Variants in NUDT5 observed in about 807,000 individuals in gnomAD.
NUDT5 encodes ADP-sugar pyrophosphatase.
NUDT5 carries 21 observed loss-of-function variants against 34.1 expected under a neutral mutation model. The observed-to-expected ratio is 0.62, with a 90% CI of 0.44 to 0.89. The LOEUF (loss-of-function observed/expected upper bound fraction) is 0.89, where lower values mean the gene tolerates loss of function less well. NUDT5 is among the 40% of genes least tolerant of loss of function. The pLI is 0.00. For missense variants in NUDT5, 249 were observed against 274.8 expected (o/e 0.91, Z 0.66); for synonymous variants, 85 against 97.6 (o/e 0.87, Z 0.76).
rs1835004615 is a variant in NUDT5, at chr10:12,179,128, A to C, written c.136T>G (p.Trp46Gly). 6.2e-7 allele frequency: 1 copy of C among 1,613,906 alleles called. No homozygotes were observed. The highest frequency in any genetic ancestry group is 1.7e-5 in the Admixed American group (1 of 59,982). Reference protein sequence around the residue: ...YMDPTGKTRTWESVKRTTRKE... With the variant: ...YMDPTGKTRTGESVKRTTRKE... ...CTGGTTGTACGTTTCACTGATTCCC[A>C]AGTTCTGTTCAGGCAGAGAAGAAAA... Residue 46 changes from tryptophan (W) to glycine (G), a missense_variant, in exon 4 of 10, where the codon TGG becomes GGG. Physicochemically the swap from Trp to Gly is radical, Grantham distance 184 (BLOSUM62 -2). Transcript: ENST00000491614.
At chr10:12,195,111 G>T (rs1835310859) in intron 1 of NUDT5, among the ~76,000 whole-genome samples, 1 of 152,202 alleles carries the variant, frequency 6.6e-6, no homozygotes, top group Admixed American at 6.5e-5. Context: ...AGTGAGCCAA[G>T]ATTGCGCCAC....
Position 12,177,883 on chromosome 10 carries a change from C to T in NUDT5, c.199G>A (p.Val67Met), listed in dbSNP as rs770968449. The change falls in exon 5 of 10, where the codon GTG becomes ATG. Residue 67 changes from valine to methionine, a missense_variant. Transcript: ENST00000491614. ...TCATAGTGAAGTGTTCTCTGCAGCACGGGGATGACCGCGACACCTGTCACC... is the reference window on the plus strand; with the variant it reads ...TCATAGTGAAGTGTTCTCTGCAGCATGGGGATGACCGCGACACCTGTCACC... ...QTADGVAVIP[V>M]LQRTLHYECI... 12 of 1,613,890 alleles carry T rather than the reference C, an allele frequency of 7.4e-6. No individual in the cohort carries two copies. Among genetic ancestry groups the T allele is most frequent in the African/African-American group, 4.0e-5 (3 of 74,884 alleles).
chr10:12,175,485 A>C lies in NUDT5; in HGVS notation c.290-1672T>G, dbSNP rs1331862223. On this transcript the variant is annotated intron_variant, in intron 5 of 9. Coordinates refer to ENST00000491614, the MANE Select transcript of NUDT5 (RefSeq NM_014142.4). This position sits in a 1 kb window ranked among gnomAD's most constrained non-coding sequence, Gnocchi z 4.8. The stretch of plus-strand genomic sequence containing the variant: ...ACAAAGCAAAACCCCATCTCTACAA[A>C]AAATTTAAAAATCGAATGCGGTGAT... Among the ~76,000 whole-genome samples the C allele has an allele frequency of 6.6e-6, 1 of 151,958 alleles. No individual in the cohort carries two copies. The highest frequency in any genetic ancestry group is 1.5e-5 in the Non-Finnish European group (1 of 68,000).
rs201960828 is a variant in NUDT5 at position 12,171,686 on chromosome 10, A to ATTTT, written c.488-782_488-779dup. ...ATGTGCAGTTCAAAAATTAAGATTT[A>ATTTT]TTTTATTTATTTATTTATTTATTTA... is the stretch of plus-strand genomic sequence containing the variant. On this transcript the variant is annotated intron_variant, in intron 7 of 9. Transcript: ENST00000491614. The surrounding 1 kb of genome is among the most constrained non-coding windows in gnomAD (Gnocchi z 4.2). 0.012 allele frequency among the ~76,000 whole-genome samples: 1,678 copies of ATTTT among 142,980 alleles called. 15 individuals are homozygous for ATTTT. Among genetic ancestry groups the ATTTT allele is most frequent in the Non-Finnish European group, 0.018 (1,205 of 65,600 alleles). 93.8% of individuals were successfully genotyped at this position (142,980 alleles called of 152,430 possible).
At chr10:12,195,504 C>T (rs887947787) in intron 1 of NUDT5, among the ~76,000 whole-genome samples, 1 of 152,230 alleles carries the variant, frequency 6.6e-6, no homozygotes, top group Non-Finnish European at 1.5e-5. Context: ...TACTCCTCTG[C>T]AGATGCTGCA....
Position 12,169,210 on chromosome 10 carries a change from T to A in NUDT5, c.551-1399A>T. On this transcript the variant is annotated intron_variant, in intron 9 of 9. Transcript: ENST00000491614. The surrounding 1 kb of genome is among the most constrained non-coding windows in gnomAD (Gnocchi z 4.8). ...TCCTCCTTTATAGCCATAGTAGCCC[T>A]CTCTCCACCTCCCCTCACTTATTCT... The A allele has an allele frequency of 7.7e-7, 1 of 1,305,814 alleles. No homozygotes were observed. Among genetic ancestry groups the A allele is most frequent in the Non-Finnish European group, 1.1e-6 (1 of 929,362 alleles). 80.9% of individuals were successfully genotyped at this position (1,305,814 alleles called of 1,614,324 possible). A position where few individuals can be genotyped will look rare whatever the true frequency, so the allele number is the denominator to read the frequency against.
At chr10:12,177,584 G>C (rs12784508) in intron 5 of NUDT5, among the ~76,000 whole-genome samples, 2 of 152,218 alleles carry the variant, frequency 1.3e-5, no homozygotes, top group African/African-American at 2.4e-5. Flanking sequence ...GTTGGGATGG[G>C]TGGGAGGTGG....
At position 12,187,334 on chromosome 10, in the gene NUDT5, C is replaced by A. The variant is rs181279620; in HGVS notation, c.-41-1002G>T. ...TTACAGGCATGAGCCACTGGACCCA[C>A]CTCCCCACTTACTTTTAAGTTTCAG... On this transcript the variant is annotated intron_variant, in intron 1 of 9. Transcript: ENST00000491614. This position sits in a 1 kb window ranked among gnomAD's most constrained non-coding sequence, Gnocchi z 5.4. Among the ~76,000 whole-genome samples, 155 of 152,308 alleles carry A rather than the reference C, an allele frequency of 1.0e-3. 1 individual carries two copies. Among genetic ancestry groups the A allele is most frequent in the Admixed American group, 7.8e-3 (120 of 15,300 alleles).
At chr10:12,179,924 T>C (rs1164607205) in intron 3 of NUDT5, among the ~76,000 whole-genome samples, 1 of 152,202 alleles carries the variant, frequency 6.6e-6, no homozygotes, top group East Asian at 1.9e-4. Context: ...CTTCACTCTC[T>C]TCTCCCTACA....
At chr10:12,172,243 A>T (rs1450402198) in intron 7 of NUDT5, among the ~76,000 whole-genome samples, 1 of 152,110 alleles carries the variant, frequency 6.6e-6, no homozygotes, top group Admixed American at 6.5e-5. Flanking sequence ...AAAGAGAAAT[A>T]GTGAATAATC....
chr10:12,170,356 C>A lies in NUDT5; in HGVS notation c.550+361G>T. 1.4e-6 allele frequency: 1 copy of A among 694,224 alleles called. No homozygotes were observed. The highest frequency in any genetic ancestry group is 2.4e-6 in the Non-Finnish European group (1 of 411,102). The allele number at this position is 694,224 out of a possible 1,614,324, so 43.0% of individuals were successfully genotyped here. On this transcript the variant is annotated intron_variant, in intron 9 of 9. Transcript: ENST00000491614. This position sits in a 1 kb window ranked among gnomAD's most constrained non-coding sequence, Gnocchi z 4.9. ...CACAAAGGACCATCCCTCATACTAG[C>A]ATACTTGAGGAAAAGCTAACAGCTT...
At position 12,170,967 on chromosome 10, in the gene NUDT5, CTTTTA is replaced by C. The variant is rs1834841428; in HGVS notation, c.488-64_488-60del. On this transcript the variant is annotated intron_variant, in intron 7 of 9. Transcript: ENST00000491614. The surrounding 1 kb of genome is among the most constrained non-coding windows in gnomAD (Gnocchi z 4.9). ...GGCCTGGAGTGGTAACATCGGAAGA[CTTTTA>C]TACAAGAGGCGTCAAAAAGGCTTTG... The C allele has an allele frequency of 1.9e-6, 3 of 1,587,884 alleles. No homozygotes were observed. The highest frequency in any genetic ancestry group is 2.6e-6 in the Non-Finnish European group (3 of 1,163,980).
At chr10:12,185,037 C>G in intron 2 of NUDT5, 81 bp from the exon 3 acceptor site, 1 of 744,756 alleles carries the variant, frequency 1.3e-6, no homozygotes, top group Non-Finnish European at 2.4e-6. Context: ...TTCACATTTC[C>G]TCTGTCTTTC....
chr10:12,184,555 A>G, intron 3 of NUDT5: 2 of 1,515,172 alleles, frequency 1.3e-6, no homozygotes, highest in South Asian at 1.2e-5. Flanking sequence ...TTAAAAACAG[A>G]TTTTACTAGA....
intron 1 of NUDT5, among the ~76,000 whole-genome samples, chr10:12,186,833 G>A (rs1391201082): frequency 6.6e-6 from 1 of 151,762 alleles, no homozygotes; most frequent in Non-Finnish European, 1.5e-5. Flanking sequence ...CACCACGTTG[G>A]CCATGCTGCT....
At chr10:12,190,527 A>G (rs1835205794) in intron 1 of NUDT5, among the ~76,000 whole-genome samples, 1 of 152,068 alleles carries the variant, frequency 6.6e-6, no homozygotes, top group South Asian at 2.1e-4. Flanking sequence ...GACCTGCCTC[A>G]GAGACACCAC....
At position 12,168,376 on chromosome 10, in the gene NUDT5, C is replaced by T. The variant is rs546800530; in HGVS notation, c.551-565G>A. ...AAAGTTGGAAGTGTATAGAGCCAAT[C>T]GCTATACCTCATTTATAGCTGGGGT... On this transcript the variant is annotated intron_variant, in intron 9 of 9. Coordinates refer to ENST00000491614, the MANE Select transcript of NUDT5 (RefSeq NM_014142.4). The surrounding 1 kb of genome is among the most constrained non-coding windows in gnomAD (Gnocchi z 4.8). Among the ~76,000 whole-genome samples the T allele has an allele frequency of 7.2e-5, 11 of 152,126 alleles. No individual in the cohort carries two copies. The highest frequency in any genetic ancestry group is 1.3e-4 in the Non-Finnish European group (9 of 68,026).
Position 12,186,314 on chromosome 10 carries a change from C to T in NUDT5, c.-23G>A. 6.4e-7 allele frequency: 1 copy of T among 1,568,320 alleles called. No homozygotes were observed. Among genetic ancestry groups the T allele is most frequent in the Non-Finnish European group, 8.8e-7 (1 of 1,138,202 alleles). On this transcript the variant is annotated 5_prime_UTR_variant, in exon 2 of 10. Transcript: ENST00000491614. ...CATTTTCAAACGAGTCTTTACAGCC[C>T]TCAGGTGAGAAGTTCACCCTGCAAG...
Position 12,170,679 on chromosome 10 carries a change from A to T in NUDT5, c.550+38T>A, listed in dbSNP as rs766785364. ...AGTTTGCTGGGATGGGGACGGGGAG[A>T]ACTGGAGAAACTGGGTGGCGGTCTG... is the stretch of plus-strand genomic sequence containing the variant. On this transcript the variant is annotated intron_variant, in intron 9 of 9. Coordinates refer to ENST00000491614, the MANE Select transcript of NUDT5 (RefSeq NM_014142.4). This position sits in a 1 kb window ranked among gnomAD's most constrained non-coding sequence, Gnocchi z 4.9. 6.3e-7 allele frequency: 1 copy of T among 1,597,450 alleles called. No homozygotes were observed. Among genetic ancestry groups the T allele is most frequent in the Non-Finnish European group, 8.6e-7 (1 of 1,166,158 alleles).
Sources: allele counts gnomAD v4.1 joint callset (sites outside exome capture counted in the v4.1 genomes callset), GRCh38; gene constraint gnomAD v4.1.1; non-coding constraint Gnocchi (gnomAD v3.1); transcripts MANE v1.5; gene names NCBI Gene and HGNC (gene_info 2026-07-23, HGNC 2026-07-21).